Variants in FARP2 observed in about 807,000 individuals in gnomAD.
FARP2 encodes the protein FERM, ARHGEF and pleckstrin domain-containing protein 2.
FARP2 carries 111 observed loss-of-function variants against 130.5 expected under a neutral mutation model. The ratio of observed to expected loss-of-function variants is 0.85; its 90% CI spans 0.73 to 1.00. FARP2 has a LOEUF of 1.00. Ranked by LOEUF, FARP2 falls within the 50% of genes least tolerant of loss-of-function variation. The pLI is 0.00. For missense variants in FARP2, 1,385 were observed against 1,346.3 expected (o/e 1.03, Z -0.45); for synonymous variants, 504 against 516.9 (o/e 0.98, Z 0.34).
chr2:241,489,249 T>A (rs915538944), intron 21 of FARP2: 1 of 152,274 alleles, frequency 6.6e-6, no homozygotes, highest in African/African-American at 2.4e-5. Flanking sequence ...TGGCCCTCGT[T>A]CCTGACTGTT....
At chr2:241,470,425 T>C (rs1328886547) in intron 18 of FARP2, among the ~76,000 whole-genome samples, 1 of 151,104 alleles carries the variant, frequency 6.6e-6, no homozygotes, top group Non-Finnish European at 1.5e-5. Context: ...GGGGATGCGC[T>C]CTGAAGGGAT....
chr2:241,463,210 C>T (rs1278166729), intron 15 of FARP2, 125 bp from the exon 16 acceptor site: 16 of 962,528 alleles, frequency 1.7e-5, no homozygotes, highest in Non-Finnish European at 2.2e-5. Flanking sequence ...CTGATCTGAA[C>T]CCTCTTTGTA....
intron 9 of FARP2, among the ~76,000 whole-genome samples, chr2:241,433,600 T>A (rs1005994098): frequency 2.6e-5 from 4 of 152,222 alleles, no homozygotes; most frequent in African/African-American, 9.6e-5. Flanking sequence ...AAAGATAGAA[T>A]TCAGAATGTT....
At chr2:241,428,924 T>A (rs1385207240) in intron 8 of FARP2, among the ~76,000 whole-genome samples, 1 of 152,228 alleles carries the variant, frequency 6.6e-6, no homozygotes, top group Non-Finnish European at 1.5e-5. Flanking sequence ...CTGTTGTGTG[T>A]AGTGTTTCCT....
At chr2:241,411,274 A>G in intron 6 of FARP2, 144 bp downstream of exon 6, 2 of 628,664 alleles carry the variant, frequency 3.2e-6, no homozygotes, top group East Asian at 2.8e-5. Flanking sequence ...AGTGTTTTTT[A>G]TAAGCTACAG....
chr2:241,417,940 A>T, intron 7 of FARP2, 22 bp from the exon 8 acceptor site: 1 of 1,613,764 alleles, frequency 6.2e-7, no homozygotes. Context: ...GTAGTGTATG[A>T]TTCTACCATT....
At chr2:241,399,730 TG>T (rs1202185230) in intron 2 of FARP2, among the ~76,000 whole-genome samples, 1 of 152,168 alleles carries the variant, frequency 6.6e-6, no homozygotes, top group Non-Finnish European at 1.5e-5. Flanking sequence ...ATCAGTCTTT[TG>T]GGGGTGGGGG....
intron 13 of FARP2, among the ~76,000 whole-genome samples, chr2:241,453,244 G>T (rs2063717411): frequency 6.6e-6 from 1 of 151,362 alleles, no homozygotes; most frequent in Admixed American, 6.6e-5. Context: ...GCACAAGAAT[G>T]GCATGAACCC....
chr2:241,406,444 G>A (rs986124022), intron 4 of FARP2, among the ~76,000 whole-genome samples: 13 of 151,582 alleles, frequency 8.6e-5, no homozygotes, highest in South Asian at 2.1e-4. Context: ...GAGAGCACGC[G>A]CATGTTTTTG....
chr2:241,471,678 A>G (rs1301063144), intron 18 of FARP2, among the ~76,000 whole-genome samples: 2 of 150,938 alleles, frequency 1.3e-5, no homozygotes, highest in African/African-American at 2.4e-5. Context: ...TGTATTTTTA[A>G]TAGAGACGGG....
At chr2:241,442,043 A>T (rs192750257) in intron 13 of FARP2, 2 of 359,256 alleles carry the variant, frequency 5.6e-6, no homozygotes, top group South Asian at 4.2e-5. Context: ...AGTGACTTCA[A>T]TGGGAACGCA....
At chr2:241,469,899 G>C (rs1261447987) in intron 18 of FARP2, among the ~76,000 whole-genome samples, 1 of 152,252 alleles carries the variant, frequency 6.6e-6, no homozygotes, top group Non-Finnish European at 1.5e-5. Context: ...CTGTGAAGCT[G>C]TTTGTGAAAG....
rs1199478454 is a variant in FARP2 at position 241,475,544 on chromosome 2, T to C, written c.2132-313T>C. ...GATTCTCATGGGAGCACAAACCCTA[T>C]TGTGAACTGCACATGTGGGGGATCT... On this transcript the variant is annotated intron_variant, in intron 18 of 26. Coordinates refer to ENST00000264042, the MANE Select transcript of FARP2 (RefSeq NM_014808.4). The surrounding 1 kb of genome is among the most constrained non-coding windows in gnomAD (Gnocchi z 4.4). Among the ~76,000 whole-genome samples, 1 of 152,204 alleles carries C rather than the reference T, an allele frequency of 6.6e-6. No individual in the cohort carries two copies. The highest frequency in any genetic ancestry group is 1.5e-5 in the Non-Finnish European group (1 of 68,022).
At chr2:241,362,426 AC>A (rs1374811303) in intron 1 of FARP2, among the ~76,000 whole-genome samples, 5 of 151,120 alleles carry the variant, frequency 3.3e-5, no homozygotes, top group Non-Finnish European at 5.9e-5. Context: ...ACATGGTGAA[AC>A]CCCATCTCAC....
intron 17 of FARP2, chr2:241,465,915 C>T: frequency 7.0e-7 from 1 of 1,429,144 alleles, no homozygotes; most frequent in Non-Finnish European, 9.1e-7. Flanking sequence ...AGCCTAGGTG[C>T]CCTTTTCCTG....
At chr2:241,393,348 T>C (rs2061955559) in intron 2 of FARP2, among the ~76,000 whole-genome samples, 1 of 151,914 alleles carries the variant, frequency 6.6e-6, no homozygotes, top group African/African-American at 2.4e-5. Flanking sequence ...CAATTTGGAG[T>C]AGAAGTTTGG....
intron 1 of FARP2, among the ~76,000 whole-genome samples, chr2:241,356,685 C>A (rs959602763): frequency 3.9e-5 from 6 of 152,040 alleles, no homozygotes; most frequent in Admixed American, 1.3e-4. Context: ...GTGGAGGAGG[C>A]CGGTGGGGCT....
intron 22 of FARP2, among the ~76,000 whole-genome samples, chr2:241,490,398 A>C (rs1490584982): frequency 6.6e-6 from 1 of 152,154 alleles, no homozygotes; most frequent in African/African-American, 2.4e-5. Flanking sequence ...TCACGTCAAG[A>C]AGTGCCAGCA....
chr2:241,468,695 C>T (rs530000434), intron 18 of FARP2, among the ~76,000 whole-genome samples: 6 of 152,236 alleles, frequency 3.9e-5, no homozygotes, highest in Non-Finnish European at 8.8e-5. Flanking sequence ...GGGCATGCTC[C>T]TGCTGGGGAC....
Sources: gnomAD v4.1 joint callset for allele counts (sites outside exome capture counted in the v4.1 genomes callset) on GRCh38, gnomAD v4.1.1 for gene constraint, Gnocchi (gnomAD v3.1) non-coding constraint, MANE v1.5 for transcripts, NCBI Gene and HGNC (gene_info 2026-07-23, HGNC 2026-07-21) for gene names.